Variants in ADAMTSL2 observed in about 807,000 individuals in gnomAD.
ADAMTSL2 encodes ADAMTS-like protein 2.
A neutral mutation model predicts 117.0 loss-of-function variants in ADAMTSL2; 55 were observed. The observed-to-expected ratio is 0.47, with a 90% CI of 0.38 to 0.59. The LOEUF (loss-of-function observed/expected upper bound fraction) is 0.59. Ranked by LOEUF, ADAMTSL2 falls within the 20% of genes least tolerant of loss-of-function variation. The pLI is 0.00. For synonymous variants in ADAMTSL2, 572 were observed against 566.4 expected (o/e 1.01, Z -0.14); for missense variants, 1,182 against 1,354.5 (o/e 0.87, Z 2.00).
rs568854249 is a variant in ADAMTSL2, at chr9:133,542,378, C to T, written c.682+1377C>T. ...ATTTTCCTCCCTTCCTCTCACAAAC[C>T]TGCTCACACGGCCTCCTGCTGGACC... On this transcript the variant is annotated intron_variant, in intron 7 of 18. Coordinates refer to ENST00000651351, the MANE Select transcript of ADAMTSL2 (RefSeq NM_014694.4). Among the ~76,000 whole-genome samples the T allele has an allele frequency of 8.5e-5, 13 of 152,330 alleles. No individual in the cohort carries two copies. The South Asian group carries it at 2.1e-3, about 24-fold the overall frequency.
chr9:133,574,810 G>C lies in ADAMTSL2; in HGVS notation c.2802G>C (p.Gly934=), dbSNP rs989219758. The C allele has an allele frequency of 3.1e-6, 5 of 1,613,704 alleles. No individual in the cohort carries two copies. Among genetic ancestry groups the C allele is most frequent in the Non-Finnish European group, 4.2e-6 (5 of 1,179,994 alleles). ...CALAIKVNLC[G]HWYYSKACCR... ...TGGCCATCAAAGTGAACCTCTGCGG[G>C]CACTGGTACTACAGCAAGGCGTGCT... is the stretch of plus-strand genomic sequence containing the variant. The change falls in exon 19 of 19, where the codon GGG becomes GGC. Residue 934 remains glycine, a synonymous_variant. Coordinates refer to ENST00000651351, the MANE Select transcript of ADAMTSL2 (RefSeq NM_014694.4).
intron 12 of ADAMTSL2, among the ~76,000 whole-genome samples, chr9:133,563,832 AG>A (rs1830811574): frequency 2.2e-5 from 2 of 88,998 alleles, no homozygotes; most frequent in East Asian, 2.8e-4. Flanking sequence ...AGAGAGAGAG[AG>A]AGAGAGAGAG....
chr9:133,549,555 T>A (rs2131125816), intron 9 of ADAMTSL2, among the ~76,000 whole-genome samples: 1 of 151,570 alleles, frequency 6.6e-6, no homozygotes, highest in South Asian at 2.1e-4. Context: ...TTTTTTTTTT[T>A]TTTTTTTTAA....
In ADAMTSL2 at chr9:133,562,572, CCCTGCTGGGCCCGGCTCG is replaced by C; in HGVS notation, c.1747+1279_1747+1296del. Among the ~76,000 whole-genome samples the C allele has an allele frequency of 2.0e-5, 2 of 97,810 alleles. 1 individual carries two copies. The highest frequency in any genetic ancestry group is 4.4e-5 in the Non-Finnish European group (2 of 45,518). 64.2% of individuals were successfully genotyped at this position (97,810 alleles called of 152,430 possible). A position where few individuals can be genotyped will look rare whatever the true frequency, so the allele number is the denominator to read the frequency against. ...ACCGCCGTGGGCGGCGTGGCGGGCACCCTGCTGGGCCCGGCTCGCACCGCCGTGGGCGGCGTGGCGGGC... is the reference window on the plus strand; with the variant it reads ...ACCGCCGTGGGCGGCGTGGCGGGCACCACCGCCGTGGGCGGCGTGGCGGGC... On this transcript the variant is annotated intron_variant, in intron 12 of 18. Coordinates refer to ENST00000651351, the MANE Select transcript of ADAMTSL2 (RefSeq NM_014694.4).
chr9:133,539,865 T>C lies in ADAMTSL2; in HGVS notation c.404T>C (p.Leu135Pro), dbSNP rs978917361. Residue 135 changes from leucine to proline, a missense_variant, in exon 5 of 19, where the codon CTG becomes CCG. By Grantham distance (98) the Leu-to-Pro change is moderately conservative. Transcript: ENST00000651351. The stretch of plus-strand genomic sequence containing the variant: ...GGGCGGACGCACCAGTGGAAGCCTC[T>C]GTACCCGGGTACCTGCCGCCCTGGG... ...YNGRTHQWKP[L>P]YPDDYVHISS... 3 of 1,550,980 alleles carry C rather than the reference T, an allele frequency of 1.9e-6. No homozygotes were observed. The highest frequency in any genetic ancestry group is 2.6e-6 in the Non-Finnish European group (3 of 1,146,974).
chr9:133,570,621 C>T, intron 17 of ADAMTSL2, 114 bp downstream of exon 17: 2 of 1,180,796 alleles, frequency 1.7e-6, no homozygotes, highest in South Asian at 2.6e-5. Context: ...CCCTGACAGC[C>T]TCTGTGAGGG....
intron 8 of ADAMTSL2, 143 bp from the exon 9 acceptor site, chr9:133,546,895 C>T (rs1830361226): frequency 1.2e-6 from 1 of 866,952 alleles, no homozygotes; most frequent in South Asian, 1.4e-5. Flanking sequence ...TGGCCAGACT[C>T]TCCATGATGG....
intron 11 of ADAMTSL2, among the ~76,000 whole-genome samples, chr9:133,559,412 C>T (rs1215091821): frequency 2.2e-5 from 3 of 135,972 alleles, no homozygotes. Flanking sequence ...GGTGTGATCT[C>T]GGCTCACTGC....
chr9:133,571,713 A>G (rs1250503138), intron 17 of ADAMTSL2, among the ~76,000 whole-genome samples: 2 of 152,108 alleles, frequency 1.3e-5, no homozygotes, highest in African/African-American at 4.8e-5. Flanking sequence ...CCCCAGACCC[A>G]GCCGCCTCAC....
chr9:133,565,220 G>T (rs1186962353), intron 12 of ADAMTSL2, among the ~76,000 whole-genome samples: 1 of 152,040 alleles, frequency 6.6e-6, no homozygotes, highest in African/African-American at 2.4e-5. Context: ...TCATGAAGAG[G>T]GTGCCCAGAA....
chr9:133,559,382 C>G (rs1830676653), intron 11 of ADAMTSL2, among the ~76,000 whole-genome samples: 2 of 127,792 alleles, frequency 1.6e-5, no homozygotes, highest in Non-Finnish European at 3.2e-5. Context: ...CGGAGTCACT[C>G]TGTTGCTCAG....
intron 7 of ADAMTSL2, among the ~76,000 whole-genome samples, chr9:133,541,357 G>A (rs1299353688): frequency 2.0e-5 from 3 of 150,692 alleles, no homozygotes; most frequent in African/African-American, 7.3e-5. Flanking sequence ...GGCTTGATCT[G>A]GGCTCACTGC....
At chr9:133,562,768 G>A (rs1457041663) in intron 12 of ADAMTSL2, among the ~76,000 whole-genome samples, 1 of 119,254 alleles carries the variant, frequency 8.4e-6, no homozygotes, top group Non-Finnish European at 1.7e-5. Context: ...GGCCAGGCTC[G>A]CACCGCTGTG....
intron 13 of ADAMTSL2, among the ~76,000 whole-genome samples, chr9:133,567,305 G>A (rs966699846): frequency 2.0e-5 from 3 of 152,194 alleles, no homozygotes; most frequent in Non-Finnish European, 2.9e-5. Flanking sequence ...GCTTGCCACC[G>A]CAGATTTAGA....
chr9:133,573,638 T>C (rs1831160878), intron 17 of ADAMTSL2, among the ~76,000 whole-genome samples: 1 of 152,030 alleles, frequency 6.6e-6, no homozygotes, highest in African/African-American at 2.4e-5. Flanking sequence ...TGCCAGCCAG[T>C]GCCCTTTTGT....
intron 5 of ADAMTSL2, 100 bp from the exon 6 acceptor site, chr9:133,540,498 T>C: frequency 6.8e-7 from 1 of 1,477,002 alleles, no homozygotes. Context: ...TTGCCCCATC[T>C]ATGCAATGGG....
intron 7 of ADAMTSL2, among the ~76,000 whole-genome samples, chr9:133,544,042 T>G (rs9802770): frequency 0.85 from 129,098 of 152,234 alleles, 55,450 homozygotes; most frequent in Non-Finnish European, 0.92. Flanking sequence ...TGAGTGTAGC[T>G]AGCCTTGAAA....
At chr9:133,537,922 G>C (rs1199359014) in intron 3 of ADAMTSL2, among the ~76,000 whole-genome samples, 1 of 152,224 alleles carries the variant, frequency 6.6e-6, no homozygotes, top group Non-Finnish European at 1.5e-5. Context: ...AGCCTCCGCT[G>C]CCAGATGGAC....
intron 9 of ADAMTSL2, 39 bp downstream of exon 9, chr9:133,547,252 G>A (rs1830373758): frequency 6.3e-7 from 1 of 1,593,266 alleles, no homozygotes; most frequent in African/African-American, 1.3e-5. Context: ...CAGGGGCCCT[G>A]GGCACTGTTT....
Sources: gnomAD v4.1 joint callset for allele counts (sites outside exome capture counted in the v4.1 genomes callset) on GRCh38, gnomAD v4.1.1 for gene constraint, MANE v1.5 for transcripts, NCBI Gene and HGNC (gene_info 2026-07-23, HGNC 2026-07-21) for gene names.